RCBTB1: variants seen among roughly 807,000 people sequenced by gnomAD.
RCBTB1 encodes RCC1 and BTB domain-containing protein 1.
Under a neutral mutation model 62.4 loss-of-function variants are expected in RCBTB1, and 46 were observed. The ratio of observed to expected loss-of-function variants is 0.74; its 90% CI spans 0.58 to 0.94. The LOEUF (loss-of-function observed/expected upper bound fraction) is 0.94. Ranked by LOEUF, RCBTB1 falls within the 40% of genes least tolerant of loss-of-function variation. RCBTB1 has a pLI of 0.00. For synonymous variants in RCBTB1, 222 were observed against 245.8 expected (o/e 0.90, Z 0.91); for missense variants, 565 against 654.9 (o/e 0.86, Z 1.50).
chr13:49,545,479 AG>A (rs148567769), intron 9 of RCBTB1, among the ~76,000 whole-genome samples: 2,182 of 152,312 alleles, frequency 0.014, 50 homozygotes, highest in African/African-American at 0.047. Flanking sequence ...ACCTACATGA[AG>A]GGAACAGTTT....
At chr13:49,549,737 C>T in intron 8 of RCBTB1, 89 bp from the exon 9 acceptor site, 1 of 1,497,736 alleles carries the variant, frequency 6.7e-7, no homozygotes, top group Non-Finnish European at 8.9e-7. Context: ...TTCATGCTTG[C>T]AATACCTCAG....
chr13:49,576,284 G>A (rs937072589), intron 2 of RCBTB1, among the ~76,000 whole-genome samples: 2 of 149,206 alleles, frequency 1.3e-5, no homozygotes, highest in Non-Finnish European at 3.0e-5. Context: ...TACATAATGT[G>A]ACTAAAATGT....
At chr13:49,569,304 T>C (rs1963237114) in intron 2 of RCBTB1, among the ~76,000 whole-genome samples, 1 of 152,228 alleles carries the variant, frequency 6.6e-6, no homozygotes, top group Admixed American at 6.5e-5. Flanking sequence ...CTGGGCGCAG[T>C]AGCTCACGCC....
intron 5 of RCBTB1, among the ~76,000 whole-genome samples, chr13:49,559,686 A>G (rs1962271586): frequency 6.7e-6 from 1 of 148,786 alleles, no homozygotes; most frequent in African/African-American, 2.5e-5. Flanking sequence ...AGTTGTTGTC[A>G]GGGGCTGGGG....
intron 10 of RCBTB1, among the ~76,000 whole-genome samples, chr13:49,543,303 A>T (rs1456216430): frequency 1.3e-5 from 2 of 152,164 alleles, no homozygotes; most frequent in Non-Finnish European, 2.9e-5. Flanking sequence ...ATACTAAAAA[A>T]ATAGTTTCAC....
chr13:49,534,118 C>CG lies in RCBTB1; in HGVS notation c.*3dup, dbSNP rs1566206521. The CG allele has an allele frequency of 6.2e-7, 1 of 1,613,038 alleles. No individual in the cohort carries two copies. The highest frequency in any genetic ancestry group is 1.3e-5 in the African/African-American group (1 of 74,842). On this transcript the variant is annotated 3_prime_UTR_variant, in exon 13 of 13. Coordinates refer to ENST00000378302, the MANE Select transcript of RCBTB1 (RefSeq NM_018191.4). The stretch of plus-strand genomic sequence containing the variant: ...ACTCACACAGAACCCAGCAGCCTTG[C>CG]GCTTCAGTTCTTAAAGGCTCCACAT...
chr13:49,577,922 A>AGGTT (rs1203152693), intron 2 of RCBTB1, among the ~76,000 whole-genome samples: 5 of 152,216 alleles, frequency 3.3e-5, no homozygotes, highest in Non-Finnish European at 7.3e-5. Flanking sequence ...TTCCTAATAG[A>AGGTT]GGTTTCTCTA....
chr13:49,570,318 C>T (rs1053308524), intron 2 of RCBTB1, among the ~76,000 whole-genome samples: 12 of 152,192 alleles, frequency 7.9e-5, no homozygotes, highest in African/African-American at 1.2e-4. Flanking sequence ...CATTATTATA[C>T]GCACTGACTT....
intron 2 of RCBTB1, among the ~76,000 whole-genome samples, chr13:49,578,546 G>A (rs966631578): frequency 1.3e-5 from 2 of 152,210 alleles, no homozygotes; most frequent in African/African-American, 4.8e-5. Flanking sequence ...TCCTAAGTAA[G>A]TGGAAAACTA....
intron 4 of RCBTB1, among the ~76,000 whole-genome samples, chr13:49,565,819 G>C (rs1284956418): frequency 6.6e-6 from 1 of 152,094 alleles, no homozygotes. Flanking sequence ...TCGTCGAATA[G>C]AAAAGGGGGA....
At chr13:49,579,809 C>A (rs563347198) in intron 2 of RCBTB1, among the ~76,000 whole-genome samples, 3 of 152,294 alleles carry the variant, frequency 2.0e-5, no homozygotes, top group Non-Finnish European at 2.9e-5. Flanking sequence ...TTTTAGAATT[C>A]TCTGATTGTG....
Position 49,540,901 on chromosome 13 carries a change from G to A in RCBTB1, c.1430C>T (p.Ser477Phe). The part of the protein sequence containing the change: ...ITVENAFSLF[S>F]AAVRYDAEDL... The stretch of plus-strand genomic sequence containing the variant: ...CTCTGCATCATATCTGACTGCAGCA[G>A]AGAATAGCGAAAAGGCATTCTCCAC... Residue 477 changes from serine to phenylalanine, a missense_variant, in exon 12 of 13, where the codon TCT becomes TTT. Physicochemically the swap from Ser to Phe is radical, Grantham distance 155. Transcript: ENST00000378302. The A allele has an allele frequency of 6.2e-7, 1 of 1,614,018 alleles. No individual in the cohort carries two copies. The highest frequency in any genetic ancestry group is 8.5e-7 in the Non-Finnish European group (1 of 1,180,004).
Position 49,552,248 on chromosome 13 carries a change from C to A in RCBTB1, c.641G>T (p.Gly214Val). The change falls in exon 7 of 13, where the codon GGC becomes GTC. Residue 214 changes from glycine (G) to valine (V), a missense_variant. Gly to Val is a moderately radical substitution (Grantham distance 109). Coordinates refer to ENST00000378302, the MANE Select transcript of RCBTB1 (RefSeq NM_018191.4). The part of the protein sequence containing the change: ...GWGYNGNGQL[G>V]LGNNGNQLTP... ...CAGCTGGTTGCCATTGTTTCCCAGGCCCAGCTGACCGTTGCCATTGTAACC... is the reference window on the plus strand; with the variant it reads ...CAGCTGGTTGCCATTGTTTCCCAGGACCAGCTGACCGTTGCCATTGTAACC... 3 of 1,602,412 alleles carry A rather than the reference C, an allele frequency of 1.9e-6. No individual in the cohort carries two copies. The highest frequency in any genetic ancestry group is 1.7e-6 in the Non-Finnish European group (2 of 1,174,126).
chr13:49,550,498 G>C (rs1961238151), intron 8 of RCBTB1: 11 of 766,900 alleles, frequency 1.4e-5, no homozygotes, highest in Non-Finnish European at 1.8e-5. Flanking sequence ...CTTACAATTA[G>C]GCTGAACAAC....
At position 49,552,195 on chromosome 13, in the gene RCBTB1, T is replaced by C; in HGVS notation, c.694A>G (p.Ser232Gly). 1.3e-6 allele frequency: 2 copies of C among 1,583,616 alleles called. No individual in the cohort carries two copies. The highest frequency in any genetic ancestry group is 1.7e-6 in the Non-Finnish European group (2 of 1,163,538). Residue 232 changes from serine to glycine, a missense_variant, in exon 7 of 13, where the codon AGC becomes GGC. Physicochemically the swap from Ser to Gly is moderately conservative, Grantham distance 56. Transcript: ENST00000378302. ...ACACGTACCTGGTTCACACACACGCTGTGCAAAGCTGCCACTCTCACAGGG... is the reference window on the plus strand; with the variant it reads ...ACACGTACCTGGTTCACACACACGCCGTGCAAAGCTGCCACTCTCACAGGG... Reference protein sequence around the residue: ...LTPVRVAALHSVCVNQIVCGY... With the variant: ...LTPVRVAALHGVCVNQIVCGY...
At chr13:49,576,598 C>T (rs574003317) in intron 2 of RCBTB1, among the ~76,000 whole-genome samples, 1 of 152,166 alleles carries the variant, frequency 6.6e-6, no homozygotes, top group Non-Finnish European at 1.5e-5. Flanking sequence ...TTAAACCAGA[C>T]CAAACAAATT....
chr13:49,549,780 C>T lies in RCBTB1; in HGVS notation c.855-132G>A, dbSNP rs2139172202. On this transcript the variant is annotated intron_variant, in intron 8 of 12. Coordinates refer to ENST00000378302, the MANE Select transcript of RCBTB1 (RefSeq NM_018191.4). ...TCCAAGTTCCAGGGACACTAGCTGC[C>T]AAGTCACAGCAACAAAAGCAACAGA... 31 of 1,431,150 alleles carry T rather than the reference C, an allele frequency of 2.2e-5. 3 individuals carry two copies. In the South Asian group the frequency reaches 4.5e-4, roughly 21 times the overall value. The allele number at this position is 1,431,150 out of a possible 1,614,324, so 88.7% of individuals were successfully genotyped here. A position where few individuals can be genotyped will look rare whatever the true frequency, so the allele number is the denominator to read the frequency against.
chr13:49,538,435 G>A (rs1960089892), intron 12 of RCBTB1, among the ~76,000 whole-genome samples: 1 of 152,208 alleles, frequency 6.6e-6, no homozygotes, highest in South Asian at 2.1e-4. Flanking sequence ...AAGAGGCCTG[G>A]CGCAGTGGCT....
intron 4 of RCBTB1, among the ~76,000 whole-genome samples, chr13:49,563,640 T>C (rs191909553): frequency 2.7e-5 from 4 of 150,336 alleles, no homozygotes; most frequent in African/African-American, 7.5e-5. Context: ...GCCTAGGCGA[T>C]AGAGCGAGAC....
Sources: gnomAD v4.1 joint callset for allele counts (sites outside exome capture counted in the v4.1 genomes callset) on GRCh38, gnomAD v4.1.1 for gene constraint, MANE v1.5 for transcripts, NCBI Gene and HGNC (gene_info 2026-07-23, HGNC 2026-07-21) for gene names.